SRSF8: variants seen among roughly 807,000 people sequenced by gnomAD.
SRSF8 encodes the protein serine and arginine rich splicing factor 8.
In SRSF8, 3 loss-of-function variants were observed where a neutral mutation model predicts 2.0. The observed-to-expected ratio is 1.47, with a 90% CI of 0.67 to 3.79. The LOEUF (loss-of-function observed/expected upper bound fraction) is 3.79, where lower values mean the gene tolerates loss of function less well. SRSF8 is among the 30% of genes most tolerant of loss of function. The probability of loss-of-function intolerance (pLI) is 0.02; values close to 1 mark genes in which losing one functional copy is unlikely to be tolerated. For synonymous variants in SRSF8, 162 were observed against 170.7 expected, an observed-to-expected ratio of 0.95 and a Z score of 0.40; for missense variants, 408 against 410.9, an observed-to-expected ratio of 0.99 and a Z score of 0.06.
chr11:95,070,396 A>AAGG lies in SRSF8; in HGVS notation c.*2322_*2323insGGA, dbSNP rs1565437997. 7.9e-5 allele frequency: 13 copies of AAGG among 165,176 alleles called. No homozygotes were observed. The South Asian group carries it at 2.8e-3, about 35-fold the overall frequency. 10.2% of individuals were successfully genotyped at this position (165,176 alleles called of 1,614,324 possible). On this transcript the variant is annotated 3_prime_UTR_variant, in exon 1 of 1. Coordinates refer to ENST00000587424, the MANE Select transcript of SRSF8 (RefSeq NM_032102.4). ...AAAAAAAAAAAAAAGAAAAAGGAAA[A>AAGG]AAACAAACAAACAACAACTTTGAAA...
Position 95,069,688 on chromosome 11 carries a change from A to G in SRSF8, c.*1613A>G, listed in dbSNP as rs1015591889. 1 of 167,088 alleles carries G rather than the reference A, an allele frequency of 6.0e-6. No homozygotes were observed. The highest frequency in any genetic ancestry group is 1.5e-5 in the Non-Finnish European group (1 of 68,116). 10.4% of individuals were successfully genotyped at this position (167,088 alleles called of 1,614,324 possible). On this transcript the variant is annotated 3_prime_UTR_variant, in exon 1 of 1. Transcript: ENST00000587424. ...AGTAGTTAGTATTGCTTTCATATAT[A>G]GACTCCAGAATCTAAATTTTACGAT...
In SRSF8 at chr11:95,068,203, C is replaced by T; in HGVS notation, c.*128C>T. On this transcript the variant is annotated 3_prime_UTR_variant, in exon 1 of 1. Coordinates refer to ENST00000587424, the MANE Select transcript of SRSF8 (RefSeq NM_032102.4). ...GAAAAGGTTGTGTCACACTTTTCTA[C>T]CTTTTTGCCAGTTTGAAGCTTTGCA... 1.0e-6 allele frequency: 1 copy of T among 979,806 alleles called. No homozygotes were observed. The allele number at this position is 979,806 out of a possible 1,614,324, so 60.7% of individuals were successfully genotyped here. A position where few individuals can be genotyped will look rare whatever the true frequency, so the allele number is the denominator to read the frequency against.
rs1381015395 is a variant in SRSF8 at position 95,067,556 on chromosome 11, A to G, written c.330A>G (p.Arg110=). The change falls in exon 1 of 1, where the codon AGA becomes AGG. Residue 110 remains arginine (R), a synonymous_variant. Coordinates refer to ENST00000587424, the MANE Select transcript of SRSF8 (RefSeq NM_032102.4). ...SRQGEPRGRS[R]GGGYGRRSRS... ...AGGGAGAGCCACGCGGCAGGTCCAG[A>G]GGCGGCGGCTACGGACGGCGGAGCC... 1.3e-6 allele frequency: 2 copies of G among 1,540,964 alleles called. No individual in the cohort carries two copies. The highest frequency in any genetic ancestry group is 1.2e-5 in the South Asian group (1 of 83,288).
chr11:95,068,091 G>A lies in SRSF8; in HGVS notation c.*16G>A. 6.3e-7 allele frequency: 1 copy of A among 1,593,760 alleles called. No individual in the cohort carries two copies. The highest frequency in any genetic ancestry group is 1.1e-5 in the South Asian group (1 of 89,984). ...GTCCTCTTAAGAAAATGATGCATCA[G>A]GAAGCAACGTGATGGAGGACTTGGG... On this transcript the variant is annotated 3_prime_UTR_variant, in exon 1 of 1. Transcript: ENST00000587424.
rs1858692076 is a variant in SRSF8 at position 95,068,734 on chromosome 11, T to G, written c.*659T>G. On this transcript the variant is annotated 3_prime_UTR_variant, in exon 1 of 1. Coordinates refer to ENST00000587424, the MANE Select transcript of SRSF8 (RefSeq NM_032102.4). ...CAGTGCAGAGTGCTGAGCTGCTTCCTGTTTTCTTCTGATTGCTCCTGGGGA... is the reference window on the plus strand; with the variant it reads ...CAGTGCAGAGTGCTGAGCTGCTTCCGGTTTTCTTCTGATTGCTCCTGGGGA... 1 of 167,314 alleles carries G rather than the reference T, an allele frequency of 6.0e-6. No individual in the cohort carries two copies. The highest frequency in any genetic ancestry group is 1.5e-5 in the Non-Finnish European group (1 of 68,284). 10.4% of individuals were successfully genotyped at this position (167,314 alleles called of 1,614,324 possible).
rs2134150444 is a variant in SRSF8 at position 95,070,908 on chromosome 11, T to C, written c.*2833T>C. On this transcript the variant is annotated 3_prime_UTR_variant, in exon 1 of 1. Coordinates refer to ENST00000587424, the MANE Select transcript of SRSF8 (RefSeq NM_032102.4). ...ATGGATGACGGTGCTGTTTAGTGAG[T>C]TGGGGAAGACTGGGCGTGGTGATGG... is the stretch of plus-strand genomic sequence containing the variant. The C allele has an allele frequency of 6.0e-6, 1 of 167,244 alleles. No individual in the cohort carries two copies. The allele number at this position is 167,244 out of a possible 1,614,324, so 10.4% of individuals were successfully genotyped here.
chr11:95,067,400 T>C lies in SRSF8; in HGVS notation c.174T>C (p.Ala58=), dbSNP rs1161676147. The C allele has an allele frequency of 7.0e-6, 11 of 1,577,112 alleles. No homozygotes were observed. Among genetic ancestry groups the C allele is most frequent in the South Asian group, 3.5e-5 (3 of 86,142 alleles). Residue 58 remains alanine, a synonymous_variant, in exon 1 of 1, where the codon GCT becomes GCC. Transcript: ENST00000587424. ...EPHTKAPRGF[A]FVRFHDRRDA... is the part of the protein sequence containing the mutation. ...ACACCAAGGCGCCCCGGGGCTTCGCTTTCGTCCGCTTTCACGACCGGCGCG... is the reference window on the plus strand; with the variant it reads ...ACACCAAGGCGCCCCGGGGCTTCGCCTTCGTCCGCTTTCACGACCGGCGCG...
Position 95,068,169 on chromosome 11 carries a change from C to A in SRSF8, c.*94C>A. 1 of 1,244,854 alleles carries A rather than the reference C, an allele frequency of 8.0e-7. No individual in the cohort carries two copies. Among genetic ancestry groups the A allele is most frequent in the Non-Finnish European group, 1.1e-6 (1 of 904,756 alleles). 77.1% of individuals were successfully genotyped at this position (1,244,854 alleles called of 1,614,324 possible). ...GAAGCAACGTCCCTGGAAGAAGAGGCTGCCTATTGAAAAGGTTGTGTCACA... is the reference window on the plus strand; with the variant it reads ...GAAGCAACGTCCCTGGAAGAAGAGGATGCCTATTGAAAAGGTTGTGTCACA... On this transcript the variant is annotated 3_prime_UTR_variant, in exon 1 of 1. Coordinates refer to ENST00000587424, the MANE Select transcript of SRSF8 (RefSeq NM_032102.4).
chr11:95,070,907 G>T lies in SRSF8; in HGVS notation c.*2832G>T, dbSNP rs1225089707. 1 of 167,136 alleles carries T rather than the reference G, an allele frequency of 6.0e-6. No homozygotes were observed. The highest frequency in any genetic ancestry group is 1.9e-4 in the East Asian group (1 of 5,202). 10.4% of individuals were successfully genotyped at this position (167,136 alleles called of 1,614,324 possible). On this transcript the variant is annotated 3_prime_UTR_variant, in exon 1 of 1. Coordinates refer to ENST00000587424, the MANE Select transcript of SRSF8 (RefSeq NM_032102.4). The stretch of plus-strand genomic sequence containing the variant: ...AATGGATGACGGTGCTGTTTAGTGA[G>T]TTGGGGAAGACTGGGCGTGGTGATG...
rs1858702662 is a variant in SRSF8 at position 95,069,448 on chromosome 11, A to T, written c.*1373A>T. 1 of 166,284 alleles carries T rather than the reference A, an allele frequency of 6.0e-6. No homozygotes were observed. The allele number at this position is 166,284 out of a possible 1,614,324, so 10.3% of individuals were successfully genotyped here. On this transcript the variant is annotated 3_prime_UTR_variant, in exon 1 of 1. Transcript: ENST00000587424. The stretch of plus-strand genomic sequence containing the variant: ...GAAAAATAACAATTTGGTGTCAATG[A>T]TCTGGTGACAATAGGATTACATTGG...
At position 95,068,115 on chromosome 11, in the gene SRSF8, G is replaced by A. The variant is rs782456793; in HGVS notation, c.*40G>A. ...AGGAAGCAACGTGATGGAGGACTTG[G>A]GGGAAAAGGATCACATACTCAGTCT... On this transcript the variant is annotated 3_prime_UTR_variant, in exon 1 of 1. Coordinates refer to ENST00000587424, the MANE Select transcript of SRSF8 (RefSeq NM_032102.4). 1 of 1,562,406 alleles carries A rather than the reference G, an allele frequency of 6.4e-7. No individual in the cohort carries two copies. The highest frequency in any genetic ancestry group is 8.7e-7 in the Non-Finnish European group (1 of 1,146,080).
Position 95,067,150 on chromosome 11 carries a change from C to G in SRSF8, c.-77C>G. Reference sequence around the variant, plus strand: ...CCGGCGTCCCCACGCGGGGCGCAACCGCGAGAAAGAAACGCAGGTCGCACC... The same window carrying G: ...CCGGCGTCCCCACGCGGGGCGCAACGGCGAGAAAGAAACGCAGGTCGCACC... On this transcript the variant is annotated 5_prime_UTR_variant, in exon 1 of 1. Coordinates refer to ENST00000587424, the MANE Select transcript of SRSF8 (RefSeq NM_032102.4). The G allele has an allele frequency of 7.6e-7, 1 of 1,311,218 alleles. No homozygotes were observed. Among genetic ancestry groups the G allele is most frequent in the Non-Finnish European group, 9.9e-7 (1 of 1,010,530 alleles). 81.2% of individuals were successfully genotyped at this position (1,311,218 alleles called of 1,614,324 possible).
In SRSF8 at chr11:95,067,720, A is replaced by G. The variant is rs1215036681; in HGVS notation, c.494A>G (p.Tyr165Cys). The change falls in exon 1 of 1, where the codon TAC becomes TGC. Residue 165 changes from tyrosine (Y) to cysteine (C), a missense_variant. Physicochemically the swap from Tyr to Cys is radical, Grantham distance 194. This residue lies in a region of SRSF8 where 346 missense variants were observed against 316.5 expected (regional missense o/e 1.09). Coordinates refer to ENST00000587424, the MANE Select transcript of SRSF8 (RefSeq NM_032102.4). ...CGGTCTCCCTACAGCCGATCTCCTT[A>G]CAGCCGGTCGCGCTACAGCCGCTCT... is the stretch of plus-strand genomic sequence containing the variant. ...YSRSPYSRSP[Y>C]SRSRYSRSPY... The G allele has an allele frequency of 6.2e-7, 1 of 1,613,850 alleles. No homozygotes were observed. The highest frequency in any genetic ancestry group is 8.5e-7 in the Non-Finnish European group (1 of 1,179,882).
upstream of SRSF8, among the ~76,000 whole-genome samples, chr11:95,066,886 T>A (rs566994509): frequency 1.3e-5 from 2 of 152,246 alleles, no homozygotes; most frequent in South Asian, 4.1e-4. Flanking sequence ...CATGGGAGGG[T>A]GGGACGTCTA....
rs1393514034 is a variant in SRSF8, at chr11:95,067,501, A to G, written c.275A>G (p.Tyr92Cys). ...GRELRVQVAR[Y>C]GRRDLPRSRQ... is the part of the protein sequence containing the mutation. ...GAGCTGCGGGTGCAGGTGGCGCGCT[A>G]TGGCCGCCGGGACCTGCCCCGCAGC... Residue 92 changes from tyrosine (Y) to cysteine (C), a missense_variant, in exon 1 of 1, where the codon TAT becomes TGT. Transcript: ENST00000587424. 1.6e-6 allele frequency: 2 copies of G among 1,279,552 alleles called. No individual in the cohort carries two copies. Among genetic ancestry groups the G allele is most frequent in the Non-Finnish European group, 2.1e-6 (2 of 970,412 alleles). 79.3% of individuals were successfully genotyped at this position (1,279,552 alleles called of 1,614,324 possible).
chr11:95,067,527 C>T lies in SRSF8; in HGVS notation c.301C>T (p.Arg101Cys), dbSNP rs1555107068. The change falls in exon 1 of 1, where the codon CGC (arginine) becomes TGC (cysteine). Residue 101 changes from arginine (R) to cysteine (C), a missense_variant. Physicochemically the swap from Arg to Cys is radical, Grantham distance 180. This residue lies in a region of SRSF8 where 346 missense variants were observed against 316.5 expected (regional missense o/e 1.09). Coordinates refer to ENST00000587424, the MANE Select transcript of SRSF8 (RefSeq NM_032102.4). The stretch of plus-strand genomic sequence containing the variant: ...TGGCCGCCGGGACCTGCCCCGCAGC[C>T]GCCAGGGAGAGCCACGCGGCAGGTC... ...RYGRRDLPRSRQGEPRGRSRG... is the reference protein window; with the variant it reads ...RYGRRDLPRSCQGEPRGRSRG... The T allele has an allele frequency of 2.6e-6, 4 of 1,520,484 alleles. No homozygotes were observed. The highest frequency in any genetic ancestry group is 1.8e-6 in the Non-Finnish European group (2 of 1,137,008). The allele number at this position is 1,520,484 out of a possible 1,614,324, so 94.2% of individuals were successfully genotyped here.
chr11:95,067,992 G>C lies in SRSF8; in HGVS notation c.766G>C (p.Val256Leu), dbSNP rs782531862. Reference sequence around the variant, plus strand: ...ATCTATGACCAGGAGTCCTCCCCGGGTATCCAAGAGGAAATCCAAGTCAAG... The same window carrying C: ...ATCTATGACCAGGAGTCCTCCCCGGCTATCCAAGAGGAAATCCAAGTCAAG... ...SSSMTRSPPR[V>L]SKRKSKSRSR... The change falls in exon 1 of 1, where the codon GTA (valine) becomes CTA (leucine). Residue 256 changes from valine to leucine, a missense_variant. This residue lies in a region of SRSF8 where 346 missense variants were observed against 316.5 expected (regional missense o/e 1.09). Transcript: ENST00000587424. The C allele has an allele frequency of 3.1e-6, 5 of 1,613,946 alleles. No individual in the cohort carries two copies. In the South Asian group the frequency reaches 4.4e-5, roughly 14 times the overall value.
Position 95,067,604 on chromosome 11 carries a change from C to G in SRSF8, c.378C>G (p.Arg126=). ...RRSRSYGRRS[R]SPRRRHRSRS... Reference sequence around the variant, plus strand: ...GCCGCAGCTACGGGCGGCGGAGCCGCAGCCCCAGGCGGCGACACCGCAGCC... The same window carrying G: ...GCCGCAGCTACGGGCGGCGGAGCCGGAGCCCCAGGCGGCGACACCGCAGCC... Residue 126 remains arginine, a synonymous_variant, in exon 1 of 1, where the codon CGC becomes CGG. Coordinates refer to ENST00000587424, the MANE Select transcript of SRSF8 (RefSeq NM_032102.4). 1.3e-6 allele frequency: 2 copies of G among 1,557,548 alleles called. No homozygotes were observed. Among genetic ancestry groups the G allele is most frequent in the South Asian group, 2.3e-5 (2 of 85,302 alleles).
rs1555107696 is a variant in SRSF8, at chr11:95,070,759, A to G, written c.*2684A>G. ...TTCAGTGGTAGTGTTGGAAATGGAC[A>G]TAAATAGACATATTCAGGAAATATA... On this transcript the variant is annotated 3_prime_UTR_variant, in exon 1 of 1. Transcript: ENST00000587424. 1 of 167,146 alleles carries G rather than the reference A, an allele frequency of 6.0e-6. No homozygotes were observed. Among genetic ancestry groups the G allele is most frequent in the Non-Finnish European group, 1.5e-5 (1 of 68,130 alleles). 10.4% of individuals were successfully genotyped at this position (167,146 alleles called of 1,614,324 possible).
Sources: allele counts gnomAD v4.1 joint callset (sites outside exome capture counted in the v4.1 genomes callset), GRCh38; gene constraint gnomAD v4.1.1; regional missense constraint gnomAD v4.1.1; transcripts MANE v1.5; gene names NCBI Gene and HGNC (gene_info 2026-07-23, HGNC 2026-07-21).